The following PKD1L1 variants were observed in gnomAD, a reference collection of about 807,000 sequenced individuals.
PKD1L1 encodes the protein polycystin 1 like 1, transient receptor potential channel interacting.
Under a neutral mutation model 323.4 loss-of-function variants are expected in PKD1L1, and 236 were observed. The ratio of observed to expected loss-of-function variants is 0.73; its 90% confidence interval spans 0.66 to 0.81. PKD1L1 has a LOEUF of 0.81. Among genes scored for constraint, PKD1L1 ranks in the 40% least tolerant of loss-of-function variants. The probability of loss-of-function intolerance (pLI) is 0.00; values close to 1 mark genes in which losing one functional copy is unlikely to be tolerated. For synonymous variants in PKD1L1, 1,344 were observed against 1,335.0 expected (o/e 1.01, Z -0.15); for missense variants, 3,320 against 3,508.0 (o/e 0.95, Z 1.35).
In PKD1L1 at chr7:47,945,667, G is replaced by A. The variant is rs372129006; in HGVS notation, c.45-2156C>T. ...TAGAGGATTTCTGCAATGATCTAGCGGGCAAATAAAATTAAGGAAAGGACG... is the reference window on the plus strand; with the variant it reads ...TAGAGGATTTCTGCAATGATCTAGCAGGCAAATAAAATTAAGGAAAGGACG... On this transcript the variant is annotated intron_variant, in intron 1 of 56. Coordinates refer to ENST00000289672, the MANE Select transcript of PKD1L1 (RefSeq NM_138295.5). 6.6e-5 allele frequency among the ~76,000 whole-genome samples: 10 copies of A among 152,252 alleles called. No individual in the cohort carries two copies. The East Asian group carries it at 7.7e-4, about 12-fold the overall frequency.
At chr7:47,910,012 A>G (rs935465448) in intron 8 of PKD1L1, among the ~76,000 whole-genome samples, 2 of 152,212 alleles carry the variant, frequency 1.3e-5, no homozygotes, top group Non-Finnish European at 2.9e-5. Context: ...CTTGGAAGCT[A>G]TATCTCAAAT....
chr7:47,830,231 C>T (rs930102831), intron 42 of PKD1L1, 107 bp from the exon 43 acceptor site: 36 of 905,176 alleles, frequency 4.0e-5, no homozygotes, highest in East Asian at 2.6e-4. Flanking sequence ...CCTATGGCCT[C>T]GCCGTGGCAG....
intron 24 of PKD1L1, among the ~76,000 whole-genome samples, chr7:47,868,086 G>A (rs921894009): frequency 6.6e-6 from 1 of 152,234 alleles, no homozygotes; most frequent in Non-Finnish European, 1.5e-5. Context: ...AGAACACAAA[G>A]TCTAGGCGTG....
chr7:47,813,457 G>C (rs1784946290), intron 48 of PKD1L1, 164 bp from the exon 49 acceptor site: 2 of 790,718 alleles, frequency 2.5e-6, no homozygotes, highest in South Asian at 2.9e-5. Context: ...GTGGTCTACA[G>C]ACTCTAGCTC....
chr7:47,951,445 G>C (rs1270366426), upstream of PKD1L1, among the ~76,000 whole-genome samples: 1 of 152,188 alleles, frequency 6.6e-6, no homozygotes, highest in Non-Finnish European at 1.5e-5. Context: ...TTAGGTAATA[G>C]TTCACTTAGT....
In PKD1L1 at chr7:47,890,590, G is replaced by A. The variant is rs1286956845; in HGVS notation, c.2627C>T (p.Ser876Phe). The A allele has an allele frequency of 6.2e-7, 1 of 1,614,050 alleles. No individual in the cohort carries two copies. The change falls in exon 16 of 57, where the codon TCT becomes TTT. Residue 876 changes from serine (S) to phenylalanine (F), a missense_variant. Ser to Phe is a radical substitution (Grantham distance 155). Coordinates refer to ENST00000289672, the MANE Select transcript of PKD1L1 (RefSeq NM_138295.5). ...MLRVSSGGRN[S>F]SETRVFLSPY... is the part of the protein sequence containing the mutation. ...GGACAGGAACACCCGGGTCTCAGAA[G>A]AGTTCCGGCCACCACTGGAGACCCT...
chr7:47,895,415 G>A (rs115511141), intron 14 of PKD1L1, among the ~76,000 whole-genome samples: 2,549 of 152,260 alleles, frequency 0.017, 77 homozygotes, highest in African/African-American at 0.057. Context: ...TATTTAGAAA[G>A]CAGAGTTTTA....
intron 44 of PKD1L1, among the ~76,000 whole-genome samples, chr7:47,828,530 G>A (rs965276413): frequency 6.6e-6 from 1 of 152,152 alleles, no homozygotes; most frequent in African/African-American, 2.4e-5. Context: ...CCCCTTTACT[G>A]CAGTGTAGCC....
chr7:47,937,812 G>A lies in PKD1L1; in HGVS notation c.286-854C>T, dbSNP rs538162896. On this transcript the variant is annotated intron_variant, in intron 3 of 56. Transcript: ENST00000289672. ...ACACTGAGAGCTTAGGTGGGGTGGG[G>A]GCATTGGAGGGCAGGTGAGGGGTGC... Among the ~76,000 whole-genome samples the A allele has an allele frequency of 1.5e-4, 23 of 152,220 alleles. No homozygotes were observed. In the South Asian group the frequency reaches 4.6e-3, roughly 30 times the overall value.
chr7:47,814,024 G>A lies in PKD1L1; in HGVS notation c.7090-10C>T. On this transcript the variant is annotated splice_polypyrimidine_tract_variant and intron_variant, in intron 47 of 56. Transcript: ENST00000289672. ...CTCCAAGAGCTCCAGGCTGAAAGGA[G>A]AAAAAAGATGATGAGGACTGGGTGT... The A allele has an allele frequency of 6.2e-7, 1 of 1,611,082 alleles. No individual in the cohort carries two copies. The highest frequency in any genetic ancestry group is 8.5e-7 in the Non-Finnish European group (1 of 1,178,336).
intron 13 of PKD1L1, among the ~76,000 whole-genome samples, chr7:47,899,650 G>T (rs1272104353): frequency 2.6e-5 from 4 of 151,762 alleles, no homozygotes. Context: ...TTTTCCTGAA[G>T]GTTCCCTAAA....
chr7:47,819,473 G>A (rs750344892), intron 46 of PKD1L1: 1 of 1,205,628 alleles, frequency 8.3e-7, no homozygotes. Context: ...CATTTCCATT[G>A]AGGACCCAAA....
chr7:47,807,457 T>C (rs935744192), intron 52 of PKD1L1, among the ~76,000 whole-genome samples: 1 of 152,008 alleles, frequency 6.6e-6, no homozygotes, highest in African/African-American at 2.4e-5. Flanking sequence ...CCTTGTTCTC[T>C]AGGTTGCTAT....
At position 47,892,859 on chromosome 7, in the gene PKD1L1, T is replaced by C. The variant is rs189076227; in HGVS notation, c.2453+1019A>G. On this transcript the variant is annotated intron_variant, in intron 15 of 56. Transcript: ENST00000289672. ...CACAATGTACCGGGGGTAGGGGAGG[T>C]GGTGTGGAACTGATGTTTAAGGGAG... 3.7e-3 allele frequency among the ~76,000 whole-genome samples: 540 copies of C among 146,692 alleles called. 4 individuals are homozygous for C. The highest frequency in any genetic ancestry group is 0.013 in the Admixed American group (197 of 14,800).
intron 55 of PKD1L1, among the ~76,000 whole-genome samples, chr7:47,794,407 G>A (rs1342052665): frequency 2.6e-5 from 4 of 152,176 alleles, no homozygotes; most frequent in African/African-American, 9.7e-5. Flanking sequence ...CTTGGGCTGG[G>A]GCTTCAGAGA....
At chr7:47,800,505 C>A in intron 54 of PKD1L1, 144 bp downstream of exon 54, 1 of 817,012 alleles carries the variant, frequency 1.2e-6, no homozygotes, top group Non-Finnish European at 1.9e-6. Flanking sequence ...CCTCCCAGGG[C>A]AGGTGAGCTG....
Position 47,885,860 on chromosome 7 carries a change from C to T in PKD1L1, c.3031G>A (p.Glu1011Lys), listed in dbSNP as rs761300309. Residue 1011 changes from glutamate (E) to lysine (K), a missense_variant, in exon 18 of 57, where the codon GAG becomes AAG. Transcript: ENST00000289672. The stretch of plus-strand genomic sequence containing the variant: ...ATCCAGTAGACTCCAGTCATGGGCT[C>T]TGTGGGGGTTCCCCTTGGAGCTGAA... ...ATSAPRGTPT[E>K]PMTGVYWIPP... is the part of the protein sequence containing the mutation. 14 of 1,614,208 alleles carry T rather than the reference C, an allele frequency of 8.7e-6. No individual in the cohort carries two copies. Among genetic ancestry groups the T allele is most frequent in the East Asian group, 4.5e-5 (2 of 44,868 alleles).
At chr7:47,882,215 T>G in intron 19 of PKD1L1, 130 bp from the exon 20 acceptor site, 8 of 978,168 alleles carry the variant, frequency 8.2e-6, no homozygotes, top group Non-Finnish European at 1.2e-5. Context: ...TAATATAATG[T>G]CTTCAGCAGC....
intron 53 of PKD1L1, among the ~76,000 whole-genome samples, chr7:47,801,803 T>C (rs930088796): frequency 2.0e-5 from 3 of 152,252 alleles, no homozygotes; most frequent in East Asian, 1.9e-4. Context: ...GGTCTCCCCT[T>C]GATGCCTATG....
Sources: allele counts gnomAD v4.1 joint callset (sites outside exome capture counted in the v4.1 genomes callset), GRCh38; gene constraint gnomAD v4.1.1; transcripts MANE v1.5; gene names NCBI Gene and HGNC (gene_info 2026-07-23, HGNC 2026-07-21).